Variants in USH2A observed in about 807,000 individuals in gnomAD.
USH2A encodes Usher syndrome 2A (autosomal recessive, mild).
In USH2A, 443 loss-of-function variants were observed where a neutral mutation model predicts 538.9. The observed-to-expected ratio is 0.82, with a 90% CI of 0.76 to 0.89. The LOEUF is 0.89. Ranked by LOEUF, USH2A falls within the 40% of genes least tolerant of loss-of-function variation. USH2A has a pLI of 0.00. For missense variants in USH2A, 6,633 were observed against 6,324.8 expected (o/e 1.05, Z -1.65); for synonymous variants, 2,413 against 2,273.5 (o/e 1.06, Z -1.75).
Position 216,086,519 on chromosome 1 carries a change from G to A in USH2A, c.4987+200C>T, listed in dbSNP as rs79965279. ...GAATTCCTTTTATATATCAAGAACC[G>A]AGTACTAACAATATAAATACAAGTC... is the stretch of plus-strand genomic sequence containing the variant. On this transcript the variant is annotated intron_variant, in intron 24 of 71. Coordinates refer to ENST00000307340, the MANE Select transcript of USH2A (RefSeq NM_206933.4). Among the ~76,000 whole-genome samples, 3,718 of 151,706 alleles carry A rather than the reference G, an allele frequency of 0.025. 157 individuals carry two copies. The highest frequency in any genetic ancestry group is 0.083 in the African/African-American group (3,448 of 41,318).
At chr1:215,785,972 C>T (rs1661789573) in intron 52 of USH2A, among the ~76,000 whole-genome samples, 1 of 149,522 alleles carries the variant, frequency 6.7e-6, no homozygotes, top group Non-Finnish European at 1.5e-5. Flanking sequence ...CACACACAAA[C>T]TTGATTTTTC....
chr1:216,152,523 G>C (rs1031588340), intron 21 of USH2A, among the ~76,000 whole-genome samples: 12 of 150,116 alleles, frequency 8.0e-5, no homozygotes, highest in African/African-American at 2.7e-4. Context: ...AACCCCCTTT[G>C]ACTGTAATTT....
chr1:216,047,099 T>A (rs2030552519), intron 31 of USH2A, among the ~76,000 whole-genome samples: 1 of 152,204 alleles, frequency 6.6e-6, no homozygotes, highest in South Asian at 2.1e-4. Context: ...TTTTATATAG[T>A]TGTCAATGAA....
At chr1:215,812,019 C>G (rs151285610) in intron 49 of USH2A, among the ~76,000 whole-genome samples, 2,449 of 108,068 alleles carry the variant, frequency 0.023, 38 homozygotes, top group Middle Eastern at 0.052. Flanking sequence ...GAGTCTTACT[C>G]TGTTGCCCAG....
chr1:216,422,014 C>A lies in USH2A; in HGVS notation c.323G>T (p.Cys108Phe), dbSNP rs144235775. Residue 108 changes from cysteine (C) to phenylalanine (F), a missense_variant, in exon 2 of 72, where the codon TGC becomes TTC. By Grantham distance (205) the Cys-to-Phe change is radical. Transcript: ENST00000307340. ...CAGATCATTCTTGTCTGGTGTGATG[C>A]AGCTACTGAGGCCTGCTGAGAAAAG... Reference protein sequence around the residue: ...TALFSAGLSSCITPDKNDLHP... With the variant: ...TALFSAGLSSFITPDKNDLHP... 10 of 1,613,808 alleles carry A rather than the reference C, an allele frequency of 6.2e-6. No individual in the cohort carries two copies. The highest frequency in any genetic ancestry group is 8.5e-6 in the Non-Finnish European group (10 of 1,179,926).
At chr1:215,901,183 A>C in intron 38 of USH2A, 1 of 454,344 alleles carries the variant, frequency 2.2e-6, no homozygotes, top group Admixed American at 3.4e-5. Flanking sequence ...CTGTTTATCT[A>C]ATTGAAAACA....
intron 13 of USH2A, among the ~76,000 whole-genome samples, chr1:216,241,960 C>T (rs1439561598): frequency 2.6e-5 from 4 of 152,094 alleles, no homozygotes; most frequent in African/African-American, 9.7e-5. Context: ...AACACTAATA[C>T]TGAAAAACAA....
At chr1:216,232,179 C>T (rs769172148) in intron 13 of USH2A, 43 bp from the exon 14 acceptor site, 14 of 1,563,202 alleles carry the variant, frequency 9.0e-6, no homozygotes, top group Non-Finnish European at 1.1e-5. Flanking sequence ...ACTTTTTATC[C>T]ACTCTTTTAT....
chr1:215,736,430 T>C (rs1660156941), intron 60 of USH2A, among the ~76,000 whole-genome samples: 2 of 152,170 alleles, frequency 1.3e-5, no homozygotes, highest in Admixed American at 6.5e-5. Flanking sequence ...AGGAATTTTG[T>C]ATGAGTGACA....
intron 55 of USH2A, among the ~76,000 whole-genome samples, chr1:215,775,437 G>A (rs1181676052): frequency 2.0e-5 from 3 of 152,126 alleles, no homozygotes; most frequent in Non-Finnish European, 2.9e-5. Context: ...TTACTATTCA[G>A]TATTTATTCA....
chr1:216,120,797 G>T (rs1293487214), intron 21 of USH2A, among the ~76,000 whole-genome samples: 4 of 152,006 alleles, frequency 2.6e-5, no homozygotes, highest in Non-Finnish European at 4.4e-5. Flanking sequence ...ATTGCAGTGA[G>T]CCGAGATGGC....
intron 32 of USH2A, among the ~76,000 whole-genome samples, chr1:216,040,034 TTC>T (rs998937316): frequency 2.1e-5 from 3 of 140,774 alleles, no homozygotes; most frequent in Admixed American, 7.3e-5. Flanking sequence ...CTCTTTATTT[TTC>T]TGTCTCTCAA....
intron 2 of USH2A, among the ~76,000 whole-genome samples, chr1:216,420,339 G>A (rs983929485): frequency 6.6e-6 from 1 of 152,018 alleles, no homozygotes; most frequent in Non-Finnish European, 1.5e-5. Context: ...ACTAGCTTTG[G>A]TAGATAATAA....
chr1:215,919,380 G>A (rs145944639), intron 38 of USH2A, among the ~76,000 whole-genome samples: 1,749 of 152,176 alleles, frequency 0.011, 19 homozygotes, highest in Non-Finnish European at 0.017. Flanking sequence ...AATCCTGTGA[G>A]ATAGTGCTTA....
chr1:216,018,026 A>G (rs1668759028), intron 32 of USH2A, among the ~76,000 whole-genome samples: 1 of 152,052 alleles, frequency 6.6e-6, no homozygotes, highest in Admixed American at 6.6e-5. Context: ...CCTATAAGAA[A>G]CCTTCTCAAA....
chr1:216,024,920 G>T (rs1163205214), intron 32 of USH2A, among the ~76,000 whole-genome samples: 1 of 151,876 alleles, frequency 6.6e-6, no homozygotes, highest in Non-Finnish European at 1.5e-5. Flanking sequence ...AACGGTGAAT[G>T]ATTTTAGAAG....
chr1:215,792,185 T>C (rs1662000796), intron 50 of USH2A, among the ~76,000 whole-genome samples: 1 of 152,186 alleles, frequency 6.6e-6, no homozygotes, highest in African/African-American at 2.4e-5. Flanking sequence ...ATTGACCTAA[T>C]TTGAAACTCC....
At chr1:215,991,010 C>G (rs1023279097) in intron 35 of USH2A, among the ~76,000 whole-genome samples, 2 of 152,094 alleles carry the variant, frequency 1.3e-5, no homozygotes, top group African/African-American at 4.8e-5. Flanking sequence ...ATCCACCCCC[C>G]TCAGCCTCCC....
chr1:215,672,504 G>A (rs1571946555), intron 63 of USH2A, among the ~76,000 whole-genome samples: 3 of 152,210 alleles, frequency 2.0e-5, no homozygotes, highest in African/African-American at 7.2e-5. Flanking sequence ...CCATAGCTGT[G>A]TATGGTAGAT....
Sources: allele counts gnomAD v4.1 joint callset (sites outside exome capture counted in the v4.1 genomes callset), GRCh38; gene constraint gnomAD v4.1.1; transcripts MANE v1.5; gene names NCBI Gene and HGNC (gene_info 2026-07-23, HGNC 2026-07-21).